GRIA4: variants seen among roughly 807,000 people sequenced by gnomAD.
The protein encoded by GRIA4 is glutamate receptor 4.
In GRIA4, 34 loss-of-function variants were observed where a neutral mutation model predicts 104.0. That is an observed-to-expected ratio of 0.33 (90% CI 0.25 to 0.44). GRIA4 has a LOEUF of 0.44. Ranked by LOEUF, GRIA4 falls within the 20% of genes least tolerant of loss-of-function variation. The pLI is 1.00. For missense variants in GRIA4, 750 were observed against 1,096.5 expected (o/e 0.68, Z 4.46); for synonymous variants, 386 against 381.9 (o/e 1.01, Z -0.13).
chr11:105,622,853 CAG>C (rs1208491681), intron 3 of GRIA4, among the ~76,000 whole-genome samples: 1 of 151,550 alleles, frequency 6.6e-6, no homozygotes, highest in Non-Finnish European at 1.5e-5. Context: ...CCCCATTATT[CAG>C]AGTCTACAAT....
intron 3 of GRIA4, among the ~76,000 whole-genome samples, chr11:105,680,163 T>C (rs1222771702): frequency 6.6e-6 from 1 of 151,994 alleles, no homozygotes; most frequent in East Asian, 1.9e-4. Context: ...CACCTGGTAG[T>C]TGCATCCCTC....
Position 105,642,537 on chromosome 11 carries a change from GAAAAAAAA to G in GRIA4, c.247+30122_247+30129del, listed in dbSNP as rs34987277. Among the ~76,000 whole-genome samples, 46 of 72,448 alleles carry G rather than the reference GAAAAAAAA, an allele frequency of 6.3e-4. 1 individual carries two copies. The highest frequency in any genetic ancestry group is 1.3e-3 in the East Asian group (3 of 2,276). 47.5% of individuals were successfully genotyped at this position (72,448 alleles called of 152,430 possible). On this transcript the variant is annotated intron_variant, in intron 3 of 16. Transcript: ENST00000282499. The stretch of plus-strand genomic sequence containing the variant: ...TATAATCAACATTCTCAATTTTAAT[GAAAAAAAA>G]AAAAAAAAAAAAAAAAAAGGCTGTC...
At chr11:105,795,229 T>C (rs1212947058) in intron 4 of GRIA4, among the ~76,000 whole-genome samples, 1 of 152,174 alleles carries the variant, frequency 6.6e-6, no homozygotes, top group Non-Finnish European at 1.5e-5. Context: ...AGGTTAAGGA[T>C]ACCAGAAATT....
At chr11:105,651,003 C>T (rs188201866) in intron 3 of GRIA4, among the ~76,000 whole-genome samples, 56 of 152,204 alleles carry the variant, frequency 3.7e-4, no homozygotes, top group African/African-American at 9.6e-4. Flanking sequence ...AATTGAAATA[C>T]GTGATTTATA....
intron 9 of GRIA4, among the ~76,000 whole-genome samples, chr11:105,907,183 C>T (rs1947069824): frequency 6.6e-6 from 1 of 151,988 alleles, no homozygotes; most frequent in Non-Finnish European, 1.5e-5. Context: ...ATGATGGTAA[C>T]AAAAATTAAG....
chr11:105,955,130 ATTC>A (rs901450552), intron 14 of GRIA4, among the ~76,000 whole-genome samples: 29 of 152,036 alleles, frequency 1.9e-4, no homozygotes, highest in Non-Finnish European at 3.4e-4. Context: ...TTGGTTTTTA[ATTC>A]TTTTTTTCTC....
At chr11:105,851,973 C>A (rs1944828303) in intron 4 of GRIA4, among the ~76,000 whole-genome samples, 1 of 152,092 alleles carries the variant, frequency 6.6e-6, no homozygotes. Context: ...GATCAGTGGC[C>A]TGAAATGTAG....
chr11:105,684,168 C>A (rs959010549), intron 3 of GRIA4, among the ~76,000 whole-genome samples: 15 of 152,184 alleles, frequency 9.9e-5, no homozygotes, highest in African/African-American at 3.4e-4. Context: ...GCCACTGCGC[C>A]GGGCCAAATG....
At chr11:105,730,048 A>G (rs1333426739) in intron 3 of GRIA4, among the ~76,000 whole-genome samples, 2 of 152,224 alleles carry the variant, frequency 1.3e-5, no homozygotes, top group Non-Finnish European at 2.9e-5. Flanking sequence ...GGCAAGAGAA[A>G]GAAATAAAGC....
intron 4 of GRIA4, among the ~76,000 whole-genome samples, chr11:105,808,097 C>T (rs1407947173): frequency 6.6e-6 from 1 of 151,798 alleles, no homozygotes; most frequent in Non-Finnish European, 1.5e-5. Context: ...CTCTGCATTT[C>T]ATAGTGTTGT....
intron 9 of GRIA4, among the ~76,000 whole-genome samples, chr11:105,909,084 T>C (rs1947142049): frequency 6.6e-6 from 1 of 152,192 alleles, no homozygotes; most frequent in Non-Finnish European, 1.5e-5. Context: ...GCTGAACTTA[T>C]AATTTTGGAT....
chr11:105,719,586 T>C (rs1269086844), intron 3 of GRIA4, among the ~76,000 whole-genome samples: 3 of 152,032 alleles, frequency 2.0e-5, no homozygotes, highest in Non-Finnish European at 2.9e-5. Flanking sequence ...CAGAGCTTGG[T>C]TTTTAAATAA....
At chr11:105,720,315 T>C (rs1937704894) in intron 3 of GRIA4, among the ~76,000 whole-genome samples, 1 of 151,998 alleles carries the variant, frequency 6.6e-6, no homozygotes, top group Non-Finnish European at 1.5e-5. Context: ...CCAAGCAGTT[T>C]GCAGCCTGCC....
intron 3 of GRIA4, among the ~76,000 whole-genome samples, chr11:105,700,743 G>A (rs558529119): frequency 5.9e-5 from 9 of 152,028 alleles, no homozygotes; most frequent in Admixed American, 1.3e-4. Flanking sequence ...AATTCCCACC[G>A]ACATTAAATG....
chr11:105,800,177 G>A (rs545444612), intron 4 of GRIA4, among the ~76,000 whole-genome samples: 84 of 152,102 alleles, frequency 5.5e-4, no homozygotes, highest in African/African-American at 1.9e-3. Context: ...TTGGTCAGAG[G>A]GTAAGTGATT....
rs566090197 is a variant in GRIA4, at chr11:105,744,003, T to C, written c.248-8978T>C. On this transcript the variant is annotated intron_variant, in intron 3 of 16. Transcript: ENST00000282499. The stretch of plus-strand genomic sequence containing the variant: ...CTACTACAATAGCCTACTTACTGGT[T>C]TGTATGTCTTTAATTACTATTCTTC... Among the ~76,000 whole-genome samples the C allele has an allele frequency of 2.0e-5, 3 of 152,316 alleles. No individual in the cohort carries two copies. The South Asian group carries it at 6.2e-4, about 32-fold the overall frequency.
intron 5 of GRIA4, among the ~76,000 whole-genome samples, chr11:105,872,618 A>C (rs1324238242): frequency 6.6e-6 from 1 of 152,158 alleles, no homozygotes; most frequent in Non-Finnish European, 1.5e-5. Context: ...ATATTTGAAG[A>C]TAACTTTTAT....
chr11:105,658,028 T>C (rs1283813382), intron 3 of GRIA4, among the ~76,000 whole-genome samples: 1 of 151,804 alleles, frequency 6.6e-6, no homozygotes, highest in Non-Finnish European at 1.5e-5. Context: ...AAAATTCTCA[T>C]TTTTGAATAT....
At chr11:105,794,139 C>T (rs1020440612) in intron 4 of GRIA4, among the ~76,000 whole-genome samples, 1 of 151,822 alleles carries the variant, frequency 6.6e-6, no homozygotes, top group Non-Finnish European at 1.5e-5. Context: ...GACAATCACT[C>T]AATTTCTTAA....
Sources: gnomAD v4.1 joint callset for allele counts (sites outside exome capture counted in the v4.1 genomes callset) on GRCh38, gnomAD v4.1.1 for gene constraint, MANE v1.5 for transcripts, NCBI Gene and HGNC (gene_info 2026-07-23, HGNC 2026-07-21) for gene names.